Variants in MLLT1 observed in about 807,000 individuals in gnomAD.
MLLT1 encodes the protein protein ENL.
In MLLT1, 11 loss-of-function variants were observed where a neutral mutation model predicts 55.1. The ratio of observed to expected loss-of-function variants is 0.20; its 90% CI spans 0.13 to 0.33. MLLT1 has a LOEUF of 0.33. Ranked by LOEUF, MLLT1 falls within the 10% of genes least tolerant of loss-of-function variation. The pLI, the probability that MLLT1 is intolerant of heterozygous loss-of-function variation, is 1.00. For missense variants in MLLT1, 536 were observed against 760.6 expected (o/e 0.70, Z 3.47); for synonymous variants, 323 against 320.1 (o/e 1.01, Z -0.10).
chr19:6,277,336 G>C (rs750305010), intron 1 of MLLT1, among the ~76,000 whole-genome samples: 2 of 152,216 alleles, frequency 1.3e-5, no homozygotes, highest in Non-Finnish European at 2.9e-5. Flanking sequence ...CTTCTGCAAG[G>C]AGGGAGACCA....
intron 3 of MLLT1, among the ~76,000 whole-genome samples, chr19:6,257,143 C>CA (rs1405994684): frequency 6.6e-6 from 1 of 152,088 alleles, no homozygotes; most frequent in East Asian, 1.9e-4. Flanking sequence ...GATTTGACAC[C>CA]AAAGGTGTGA....
intron 1 of MLLT1, among the ~76,000 whole-genome samples, chr19:6,279,343 G>A (rs2091444624): frequency 6.6e-6 from 1 of 152,156 alleles, no homozygotes; most frequent in Non-Finnish European, 1.5e-5. Context: ...GCCCCGGGAG[G>A]GGTCTGAACA....
Position 6,222,643 on chromosome 19 carries a change from C to T in MLLT1, c.588G>A (p.Lys196=), listed in dbSNP as rs1175349986. ...KESSKTSKPH[K]VTKEHRERPR... ...GCCGCTCCCGGTGCTCCTTGGTCAC[C>T]TTGTGTGGCTTGGAGGTCTTGCTGC... The change falls in exon 6 of 12, where the codon AAG becomes AAA. Residue 196 remains lysine (K), a synonymous_variant. Transcript: ENST00000252674. The surrounding 1 kb of genome is among the most constrained non-coding windows in gnomAD (Gnocchi z 4.1). 4.4e-6 allele frequency: 7 copies of T among 1,573,576 alleles called. No individual in the cohort carries two copies. The highest frequency in any genetic ancestry group is 1.8e-5 in the Admixed American group (1 of 56,324).
In MLLT1 at chr19:6,222,554, G is replaced by C; in HGVS notation, c.677C>G (p.Ser226Cys). The C allele has an allele frequency of 6.2e-7, 1 of 1,601,116 alleles. No homozygotes were observed. The highest frequency in any genetic ancestry group is 8.5e-7 in the Non-Finnish European group (1 of 1,179,796). ...KELEREQAKS[S>C]KDTSRKLGEG... is the part of the protein sequence containing the mutation. ...GCCCAGCTTCCGCGAGGTGTCCTTG[G>C]AGCTTTTGGCCTGCTCACGCTCCAG... is the stretch of plus-strand genomic sequence containing the variant. Residue 226 changes from serine to cysteine, a missense_variant, in exon 6 of 12, where the codon TCC becomes TGC. By Grantham distance (112) the Ser-to-Cys change is moderately radical. Coordinates refer to ENST00000252674, the MANE Select transcript of MLLT1 (RefSeq NM_005934.4). The surrounding 1 kb of genome is among the most constrained non-coding windows in gnomAD (Gnocchi z 4.1).
intron 3 of MLLT1, among the ~76,000 whole-genome samples, chr19:6,255,843 A>G (rs2091252440): frequency 6.6e-6 from 1 of 152,208 alleles, no homozygotes; most frequent in African/African-American, 2.4e-5. Context: ...AACTTCCTAC[A>G]AGGCTGGGCG....
At position 6,211,804 on chromosome 19, in the gene MLLT1, G is replaced by T. The variant is rs1234852473; in HGVS notation, c.*1238C>A. ...CGTCCTGGCCCTGGAAGAGTGGGCCGGGAAGGAGGACCGGCTTGGCCCCTG... is the reference window on the plus strand; with the variant it reads ...CGTCCTGGCCCTGGAAGAGTGGGCCTGGAAGGAGGACCGGCTTGGCCCCTG... On this transcript the variant is annotated 3_prime_UTR_variant, in exon 12 of 12. Coordinates refer to ENST00000252674, the MANE Select transcript of MLLT1 (RefSeq NM_005934.4). This position sits in a 1 kb window ranked among gnomAD's most constrained non-coding sequence, Gnocchi z 4.6. The T allele has an allele frequency of 1.9e-6, 2 of 1,063,978 alleles. No homozygotes were observed. The highest frequency in any genetic ancestry group is 1.0e-4 in the East Asian group (2 of 19,972). 65.9% of individuals were successfully genotyped at this position (1,063,978 alleles called of 1,614,324 possible). A position where few individuals can be genotyped will look rare whatever the true frequency, so the allele number is the denominator to read the frequency against.
At chr19:6,225,228 C>T (rs943889593) in intron 5 of MLLT1, among the ~76,000 whole-genome samples, 12 of 152,338 alleles carry the variant, frequency 7.9e-5, no homozygotes, top group African/African-American at 2.9e-4. Flanking sequence ...GGGGACAAAA[C>T]CCCAGGACTG....
At position 6,247,904 on chromosome 19, in the gene MLLT1, T is replaced by G. The variant is rs553651677; in HGVS notation, c.276+14324A>C. ...TGTTTGTTTGTTTGTTTGTTTGTTT[T>G]TTGTGAGACAGAGTCTCACTCTGTG... On this transcript the variant is annotated intron_variant, in intron 3 of 11. Coordinates refer to ENST00000252674, the MANE Select transcript of MLLT1 (RefSeq NM_005934.4). Among the ~76,000 whole-genome samples the G allele has an allele frequency of 4.7e-3, 632 of 134,430 alleles. 3 individuals are homozygous for G. The highest frequency in any genetic ancestry group is 0.017 in the African/African-American group (551 of 32,826). 88.2% of individuals were successfully genotyped at this position (134,430 alleles called of 152,430 possible). A position where few individuals can be genotyped will look rare whatever the true frequency, so the allele number is the denominator to read the frequency against.
At chr19:6,234,299 G>A (rs951111628) in intron 3 of MLLT1, among the ~76,000 whole-genome samples, 3 of 152,252 alleles carry the variant, frequency 2.0e-5, no homozygotes, top group Non-Finnish European at 2.9e-5. Flanking sequence ...CCGCCCCTGC[G>A]GAGGGGGAGC....
Position 6,231,288 on chromosome 19 carries a change from C to T in MLLT1, c.277-575G>A, listed in dbSNP as rs1477004895. On this transcript the variant is annotated intron_variant, in intron 3 of 11. Transcript: ENST00000252674. The surrounding 1 kb of genome is among the most constrained non-coding windows in gnomAD (Gnocchi z 5.1). The stretch of plus-strand genomic sequence containing the variant: ...CGCCACCCCAGAAGACAGGGACGCT[C>T]GCCTGGCATGGGGCAGGCGCTGATG... Among the ~76,000 whole-genome samples, 2 of 152,130 alleles carry T rather than the reference C, an allele frequency of 1.3e-5. No individual in the cohort carries two copies. Among genetic ancestry groups the T allele is most frequent in the South Asian group, 2.1e-4 (1 of 4,826 alleles).
At position 6,216,401 on chromosome 19, in the gene MLLT1, T is replaced by A; in HGVS notation, c.1307+4A>T. On this transcript the variant is annotated splice_donor_region_variant and intron_variant, in intron 8 of 11. Transcript: ENST00000252674. ...CCGCCCCCTGGCTCCCACCGGGCCG[T>A]CACCTGGAGTCCCTCCCCGGGTTGG... 6.3e-7 allele frequency: 1 copy of A among 1,599,674 alleles called. No individual in the cohort carries two copies.
In MLLT1 at chr19:6,271,058, G is replaced by A. The variant is rs528753514; in HGVS notation, c.13-299C>T. Among the ~76,000 whole-genome samples, 26 of 151,426 alleles carry A rather than the reference G, an allele frequency of 1.7e-4. 1 individual carries two copies. The highest frequency in any genetic ancestry group is 5.3e-4 in the African/African-American group (22 of 41,290). ...GCTCAGCCCAGCTCACTCCTGCCTCGGGGCCACCACACTGGCCTAGGATCC... is the reference window on the plus strand; with the variant it reads ...GCTCAGCCCAGCTCACTCCTGCCTCAGGGCCACCACACTGGCCTAGGATCC... On this transcript the variant is annotated intron_variant, in intron 1 of 11. Transcript: ENST00000252674.
intron 3 of MLLT1, among the ~76,000 whole-genome samples, chr19:6,250,725 T>A (rs1306887950): frequency 6.6e-6 from 1 of 152,112 alleles, no homozygotes; most frequent in Non-Finnish European, 1.5e-5. Flanking sequence ...ACGGAGCCCA[T>A]GGATATGGAG....
chr19:6,270,866 C>T lies in MLLT1; in HGVS notation c.13-107G>A, dbSNP rs149113240. Reference sequence around the variant, plus strand: ...GATAAAGACCCCCAGCAGTGCAATACGCTCTCAACCCAGTGAGCAGCACAC... The same window carrying T: ...GATAAAGACCCCCAGCAGTGCAATATGCTCTCAACCCAGTGAGCAGCACAC... On this transcript the variant is annotated intron_variant, in intron 1 of 11. Transcript: ENST00000252674. This position sits in a 1 kb window ranked among gnomAD's most constrained non-coding sequence, Gnocchi z 7.1. The T allele has an allele frequency of 1.4e-4, 151 of 1,060,470 alleles. 1 individual carries two copies. The Middle Eastern group carries it at 2.0e-3, about 14-fold the overall frequency. The allele number at this position is 1,060,470 out of a possible 1,614,324, so 65.7% of individuals were successfully genotyped here. A position where few individuals can be genotyped will look rare whatever the true frequency, so the allele number is the denominator to read the frequency against.
At chr19:6,255,948 G>T (rs189705972) in intron 3 of MLLT1, among the ~76,000 whole-genome samples, 1 of 152,316 alleles carries the variant, frequency 6.6e-6, no homozygotes, top group East Asian at 1.9e-4. Flanking sequence ...GCCAAGCACG[G>T]TGGCTCACAC....
At position 6,231,061 on chromosome 19, in the gene MLLT1, T is replaced by C. The variant is rs2091004370; in HGVS notation, c.277-348A>G. Among the ~76,000 whole-genome samples, 1 of 152,212 alleles carries C rather than the reference T, an allele frequency of 6.6e-6. No homozygotes were observed. The highest frequency in any genetic ancestry group is 6.5e-5 in the Admixed American group (1 of 15,286). On this transcript the variant is annotated intron_variant, in intron 3 of 11. Coordinates refer to ENST00000252674, the MANE Select transcript of MLLT1 (RefSeq NM_005934.4). This position sits in a 1 kb window ranked among gnomAD's most constrained non-coding sequence, Gnocchi z 5.1. ...GACACCAACTAACACGTGGCAGCAC[T>C]GAGACCTGCCCCAGGCCTCTGAGGC...
rs144561447 is a variant in MLLT1 at position 6,241,379 on chromosome 19, ACAGGG to A, written c.277-10671_277-10667del. On this transcript the variant is annotated intron_variant, in intron 3 of 11. Coordinates refer to ENST00000252674, the MANE Select transcript of MLLT1 (RefSeq NM_005934.4). The stretch of plus-strand genomic sequence containing the variant: ...CAGCACCTTCCCTGCTCTGGGAGCC[ACAGGG>A]CAGATGCCTTCGTCCTGTACAGGAG... 4.2e-3 allele frequency among the ~76,000 whole-genome samples: 633 copies of A among 152,296 alleles called. 3 individuals are homozygous for A. Among genetic ancestry groups the A allele is most frequent in the African/African-American group, 0.013 (552 of 41,534 alleles).
intron 6 of MLLT1, among the ~76,000 whole-genome samples, chr19:6,221,900 G>A (rs1001847229): frequency 3.3e-5 from 5 of 152,238 alleles, no homozygotes; most frequent in South Asian, 2.1e-4. Flanking sequence ...CCGAGGAGGC[G>A]AGGAGGGACT....
At chr19:6,248,278 T>C (rs919074838) in intron 3 of MLLT1, among the ~76,000 whole-genome samples, 1 of 152,348 alleles carries the variant, frequency 6.6e-6, no homozygotes, top group East Asian at 1.9e-4. Context: ...ACAGGTTATC[T>C]GCACAGCTTC....
Sources: gnomAD v4.1 joint callset for allele counts (sites outside exome capture counted in the v4.1 genomes callset) on GRCh38, gnomAD v4.1.1 for gene constraint, Gnocchi (gnomAD v3.1) non-coding constraint, MANE v1.5 for transcripts, NCBI Gene and HGNC (gene_info 2026-07-23, HGNC 2026-07-21) for gene names.